Variants in TG observed in about 807,000 individuals in gnomAD.
TG encodes the protein thyroglobulin.
Under a neutral mutation model 324.7 loss-of-function variants are expected in TG, and 270 were observed. The observed-to-expected ratio is 0.83, with a 90% CI of 0.75 to 0.92. TG has a LOEUF of 0.92. TG is among the 40% of genes least tolerant of loss of function. The pLI is 0.00. For synonymous variants in TG, 1,401 were observed against 1,327.0 expected (o/e 1.06, Z -1.21); for missense variants, 3,591 against 3,456.4 (o/e 1.04, Z -0.98).
chr8:133,029,013 G>T (rs1041842952), intron 40 of TG, among the ~76,000 whole-genome samples: 3 of 152,076 alleles, frequency 2.0e-5, no homozygotes, highest in African/African-American at 7.2e-5. Context: ...ACCTGATGAG[G>T]TTCCTTAGTG....
intron 27 of TG, among the ~76,000 whole-genome samples, chr8:132,955,509 T>A (rs1187371635): frequency 3.3e-5 from 5 of 152,254 alleles, no homozygotes; most frequent in African/African-American, 1.2e-4. Flanking sequence ...CTCAGGAATC[T>A]GTCACAATCT....
chr8:132,941,258 T>A (rs1371250147), intron 25 of TG, 93 bp from the exon 26 acceptor site: 1 of 1,481,304 alleles, frequency 6.8e-7, no homozygotes, highest in Non-Finnish European at 9.4e-7. Flanking sequence ...CTGTTGCAGC[T>A]AAGTCAACAA....
chr8:132,970,108 T>C (rs999106132), intron 32 of TG, among the ~76,000 whole-genome samples: 2 of 152,020 alleles, frequency 1.3e-5, no homozygotes, highest in Non-Finnish European at 1.5e-5. Flanking sequence ...TTATCAAGTA[T>C]GGTACTAAAT....
rs1024568791 is a variant in TG, at chr8:132,867,067, G to A, written c.67G>A (p.Glu23Lys). 6.3e-6 allele frequency: 10 copies of A among 1,596,758 alleles called. No homozygotes were observed. The African/African-American group carries it at 8.0e-5, about 13-fold the overall frequency. ...CTGCTGGGTGTCGGCCAATATCTTC[G>A]GTAAGTTCTGAGGCCATGGAGCCAG... is the stretch of plus-strand genomic sequence containing the variant. ...SICWVSANIFEYQVDAQPLRP... is the reference protein window; with the variant it reads ...SICWVSANIFKYQVDAQPLRP... Residue 23 changes from glutamate to lysine, a missense_variant and splice_region_variant, in exon 1 of 48, where the codon GAG becomes AAG. Physicochemically the swap from Glu to Lys is moderately conservative, Grantham distance 56. Transcript: ENST00000220616.
chr8:132,877,804 T>C (rs1814045355), intron 5 of TG, among the ~76,000 whole-genome samples: 1 of 152,220 alleles, frequency 6.6e-6, no homozygotes, highest in African/African-American at 2.4e-5. Context: ...TTCCACTAGA[T>C]TGTGGGCATA....
At chr8:133,098,923 T>C (rs1848842067) in intron 43 of TG, among the ~76,000 whole-genome samples, 1 of 152,204 alleles carries the variant, frequency 6.6e-6, no homozygotes, top group Non-Finnish European at 1.5e-5. Flanking sequence ...TCTAGAAGTT[T>C]CCTAACTTTG....
intron 35 of TG, among the ~76,000 whole-genome samples, chr8:133,010,571 G>A (rs1238682391): frequency 6.6e-6 from 1 of 152,154 alleles, no homozygotes; most frequent in Non-Finnish European, 1.5e-5. Flanking sequence ...GAGTGTTCTG[G>A]AATCAGCTCT....
chr8:133,040,589 G>T (rs1176073411), intron 41 of TG, among the ~76,000 whole-genome samples: 1 of 152,104 alleles, frequency 6.6e-6, no homozygotes, highest in East Asian at 1.9e-4. Context: ...ATACAGCGCT[G>T]ATCCCCCCAG....
chr8:133,010,029 C>G (rs1171226790), intron 35 of TG, among the ~76,000 whole-genome samples: 1 of 152,134 alleles, frequency 6.6e-6, no homozygotes, highest in East Asian at 1.9e-4. Context: ...TTATAAACTT[C>G]CCTGTATAGC....
chr8:133,028,962 A>T (rs1382883136), intron 40 of TG, among the ~76,000 whole-genome samples: 1 of 152,174 alleles, frequency 6.6e-6, no homozygotes, highest in Admixed American at 6.5e-5. Flanking sequence ...TGACACACAC[A>T]GGACCATCAC....
At chr8:133,035,364 A>G (rs890027368) in intron 41 of TG, among the ~76,000 whole-genome samples, 1 of 152,000 alleles carries the variant, frequency 6.6e-6, no homozygotes, top group Non-Finnish European at 1.5e-5. Context: ...TTATTGCTTT[A>G]TTATCATAGA....
At chr8:132,882,769 A>C in intron 7 of TG, 45 bp from the exon 8 acceptor site, 2 of 1,613,408 alleles carry the variant, frequency 1.2e-6, no homozygotes, top group Non-Finnish European at 1.7e-6. Context: ...TGAAGACACC[A>C]AGCATTGTTG....
chr8:133,096,520 G>T, intron 43 of TG, 147 bp downstream of exon 43: 2 of 971,972 alleles, frequency 2.1e-6, no homozygotes, highest in Non-Finnish European at 3.1e-6. Flanking sequence ...GGTGGTAATG[G>T]GGGGATTTAG....
intron 10 of TG, among the ~76,000 whole-genome samples, chr8:132,888,991 C>T (rs549850246): frequency 2.6e-5 from 4 of 152,296 alleles, no homozygotes; most frequent in African/African-American, 9.6e-5. Context: ...AGTGAACCTG[C>T]TACTTGCACA....
intron 9 of TG, 143 bp from the exon 10 acceptor site, chr8:132,887,841 T>C: frequency 1.1e-6 from 1 of 871,604 alleles, no homozygotes; most frequent in South Asian, 1.5e-5. Context: ...TATCTAGATA[T>C]TATTTACAAA....
Position 132,886,757 on chromosome 8 carries a change from C to T in TG, c.1385C>T (p.Thr462Ile), listed in dbSNP as rs1267422900. ...GLARLALQFT[T>I]NPKRLQQNLF... Reference sequence around the variant, plus strand: ...GCTCGTCTTGCCCTTCAGTTTACCACCAACCCAAAGAGACTCCAGCAAAAC... The same window carrying T: ...GCTCGTCTTGCCCTTCAGTTTACCATCAACCCAAAGAGACTCCAGCAAAAC... The change falls in exon 9 of 48, where the codon ACC becomes ATC. Residue 462 changes from threonine to isoleucine, a missense_variant. Physicochemically the swap from Thr to Ile is moderately conservative, Grantham distance 89 (BLOSUM62 -1). Coordinates refer to ENST00000220616, the MANE Select transcript of TG (RefSeq NM_003235.5). 4.3e-6 allele frequency: 7 copies of T among 1,614,074 alleles called. No homozygotes were observed. Among genetic ancestry groups the T allele is most frequent in the African/African-American group, 4.0e-5 (3 of 74,928 alleles).
At chr8:132,877,913 A>C (rs929599922) in intron 5 of TG, among the ~76,000 whole-genome samples, 2 of 152,192 alleles carry the variant, frequency 1.3e-5, no homozygotes, top group Admixed American at 1.3e-4. Context: ...AATATTGTGT[A>C]GATTTTGTCT....
At chr8:132,982,633 C>G (rs1268422583) in intron 34 of TG, among the ~76,000 whole-genome samples, 1 of 152,186 alleles carries the variant, frequency 6.6e-6, no homozygotes, top group Non-Finnish European at 1.5e-5. Flanking sequence ...GTGCTGCTTG[C>G]TATTAGCAGC....
Position 132,929,120 on chromosome 8 carries a change from G to A in TG, c.4744G>A (p.Asp1582Asn), listed in dbSNP as rs759010973. 6 of 1,613,832 alleles carry A rather than the reference G, an allele frequency of 3.7e-6. No homozygotes were observed. Among genetic ancestry groups the A allele is most frequent in the East Asian group, 4.5e-5 (2 of 44,894 alleles). The change falls in exon 23 of 48, where the codon GAC (aspartate) becomes AAC (asparagine). Residue 1582 changes from aspartate to asparagine, a missense_variant. By Grantham distance (23) the Asp-to-Asn change is conservative. Coordinates refer to ENST00000220616, the MANE Select transcript of TG (RefSeq NM_003235.5). ...EKVPESKVIF[D>N]ANAPVAVRSK... Reference sequence around the variant, plus strand: ...GGTTCCAGAATCAAAGGTGATCTTCGACGCCAATGCTCCTGTGGCTGTCAG... The same window carrying A: ...GGTTCCAGAATCAAAGGTGATCTTCAACGCCAATGCTCCTGTGGCTGTCAG...
Sources: allele counts gnomAD v4.1 joint callset (sites outside exome capture counted in the v4.1 genomes callset), GRCh38; gene constraint gnomAD v4.1.1; transcripts MANE v1.5; gene names NCBI Gene and HGNC (gene_info 2026-07-23, HGNC 2026-07-21).